AGPAT4: variants seen among roughly 807,000 people sequenced by gnomAD.
AGPAT4 encodes 1-acylglycerol-3-phosphate O-acyltransferase 4.
AGPAT4 carries 15 observed loss-of-function variants against 48.0 expected under a neutral mutation model. That is an observed-to-expected ratio of 0.31 (90% CI 0.21 to 0.48). The LOEUF is 0.48. Ranked by LOEUF, AGPAT4 falls within the 20% of genes least tolerant of loss-of-function variation. The probability of loss-of-function intolerance (pLI) is 0.99; values close to 1 mark genes in which losing one functional copy is unlikely to be tolerated. For synonymous variants in AGPAT4, 178 were observed against 198.7 expected, an observed-to-expected ratio of 0.90 and a Z score of 0.88; for missense variants, 314 against 482.5, an observed-to-expected ratio of 0.65 and a Z score of 3.27.
intron 2 of AGPAT4, among the ~76,000 whole-genome samples, chr6:161,172,819 G>A (rs1780309618): frequency 6.8e-6 from 1 of 146,472 alleles, no homozygotes; most frequent in Non-Finnish European, 1.5e-5. Flanking sequence ...ACAGGCCCCA[G>A]TGTGTGATGT....
chr6:161,191,008 G>C (rs2115001066), intron 2 of AGPAT4, among the ~76,000 whole-genome samples: 1 of 152,252 alleles, frequency 6.6e-6, no homozygotes, highest in East Asian at 1.9e-4. Flanking sequence ...TGCTAATCTT[G>C]GTTCAAATCT....
At chr6:161,230,298 G>A (rs998186140) in intron 2 of AGPAT4, among the ~76,000 whole-genome samples, 9 of 152,112 alleles carry the variant, frequency 5.9e-5, no homozygotes, top group Non-Finnish European at 1.2e-4. Flanking sequence ...TGAAATTTGG[G>A]TAGGGGTTAT....
Position 161,231,983 on chromosome 6 carries a change from C to G in AGPAT4, c.178+53G>C. ...TGAATCCATATCAAGAGCCATAATT[C>G]TGATACACACATCCACAATGGAGAC... On this transcript the variant is annotated intron_variant, in intron 2 of 8. Coordinates refer to ENST00000320285, the MANE Select transcript of AGPAT4 (RefSeq NM_020133.3). The surrounding 1 kb of genome is among the most constrained non-coding windows in gnomAD (Gnocchi z 5.3). 1 of 1,554,126 alleles carries G rather than the reference C, an allele frequency of 6.4e-7. No homozygotes were observed. The highest frequency in any genetic ancestry group is 2.3e-5 in the East Asian group (1 of 44,296).
At position 161,259,869 on chromosome 6, in the gene AGPAT4, G is replaced by A. The variant is rs1024991053; in HGVS notation, c.-90+14069C>T. 4.6e-5 allele frequency among the ~76,000 whole-genome samples: 7 copies of A among 152,144 alleles called. No homozygotes were observed. The highest frequency in any genetic ancestry group is 9.7e-5 in the African/African-American group (4 of 41,450). On this transcript the variant is annotated intron_variant, in intron 1 of 8. Transcript: ENST00000320285. The surrounding 1 kb of genome is among the most constrained non-coding windows in gnomAD (Gnocchi z 4.9). ...CTAGCTCCATGGTATCTATGTGCAC[G>A]CTGCACCCCCAGGGCCGAGTCGTAA...
Position 161,168,535 on chromosome 6 carries a change from G to A in AGPAT4, c.179-2118C>T, listed in dbSNP as rs540118451. The stretch of plus-strand genomic sequence containing the variant: ...CCCTACTATAGAGCACGGGCGCCAC[G>A]AGACAGCAACTGTACTGTTTGGTTC... On this transcript the variant is annotated intron_variant, in intron 2 of 8. Transcript: ENST00000320285. 6.6e-5 allele frequency among the ~76,000 whole-genome samples: 10 copies of A among 152,128 alleles called. No individual in the cohort carries two copies. The South Asian group carries it at 1.0e-3, about 16-fold the overall frequency.
At chr6:161,205,926 C>A (rs369667264) in intron 2 of AGPAT4, among the ~76,000 whole-genome samples, 3 of 152,038 alleles carry the variant, frequency 2.0e-5, no homozygotes, top group East Asian at 3.9e-4. Context: ...GCTAAAAACC[C>A]TGGACACTAC....
rs1008860695 is a variant in AGPAT4 at position 161,204,544 on chromosome 6, T to C, written c.178+27492A>G. On this transcript the variant is annotated intron_variant, in intron 2 of 8. Coordinates refer to ENST00000320285, the MANE Select transcript of AGPAT4 (RefSeq NM_020133.3). The surrounding 1 kb of genome is among the most constrained non-coding windows in gnomAD (Gnocchi z 4.4). Reference sequence around the variant, plus strand: ...TTTATCCTTCAGCTGAAGACAATTATCTAGAAACAGCACTGGATTCTTATT... The same window carrying C: ...TTTATCCTTCAGCTGAAGACAATTACCTAGAAACAGCACTGGATTCTTATT... Among the ~76,000 whole-genome samples the C allele has an allele frequency of 3.9e-5, 6 of 152,196 alleles. No individual in the cohort carries two copies. Among genetic ancestry groups the C allele is most frequent in the African/African-American group, 1.4e-4 (6 of 41,446 alleles).
intron 2 of AGPAT4, among the ~76,000 whole-genome samples, chr6:161,188,360 C>T (rs2114999125): frequency 6.6e-6 from 1 of 152,232 alleles, no homozygotes; most frequent in Non-Finnish European, 1.5e-5. Flanking sequence ...GTATAAATTG[C>T]ACATTTTTCT....
rs1779065230 is a variant in AGPAT4, at chr6:161,136,358, A to G, written c.*182T>C. 2 of 600,078 alleles carry G rather than the reference A, an allele frequency of 3.3e-6. No individual in the cohort carries two copies. Among genetic ancestry groups the G allele is most frequent in the South Asian group, 4.0e-5 (2 of 50,458 alleles). 37.2% of individuals were successfully genotyped at this position (600,078 alleles called of 1,614,324 possible). On this transcript the variant is annotated 3_prime_UTR_variant, in exon 9 of 9. Transcript: ENST00000320285. ...CCCACTAAAGCACATGGGGAAAAAA[A>G]GATTACAAAACATCTTCCTCCCCAT...
Position 161,242,489 on chromosome 6 carries a change from C to T in AGPAT4, c.-89-10187G>A, listed in dbSNP as rs1248824087. Among the ~76,000 whole-genome samples the T allele has an allele frequency of 6.6e-6, 1 of 152,152 alleles. No individual in the cohort carries two copies. The highest frequency in any genetic ancestry group is 1.5e-5 in the Non-Finnish European group (1 of 68,038). On this transcript the variant is annotated intron_variant, in intron 1 of 8. Transcript: ENST00000320285. The surrounding 1 kb of genome is among the most constrained non-coding windows in gnomAD (Gnocchi z 5.0). ...AGTAGAAGGCCACATCCTCCAAACC[C>T]CATCCAGCTCGCCCGCAGCCTCATG...
chr6:161,259,982 G>A lies in AGPAT4; in HGVS notation c.-90+13956C>T, dbSNP rs910879603. On this transcript the variant is annotated intron_variant, in intron 1 of 8. Coordinates refer to ENST00000320285, the MANE Select transcript of AGPAT4 (RefSeq NM_020133.3). The surrounding 1 kb of genome is among the most constrained non-coding windows in gnomAD (Gnocchi z 4.9). ...TGGAGGAAACTTCCATTCACCTGGC[G>A]CTATACGTGTTTGGGGCTGGGGAGT... Among the ~76,000 whole-genome samples the A allele has an allele frequency of 2.0e-5, 3 of 152,078 alleles. No homozygotes were observed. Among genetic ancestry groups the A allele is most frequent in the Non-Finnish European group, 2.9e-5 (2 of 68,010 alleles).
rs1018393278 is a variant in AGPAT4 at position 161,155,164 on chromosome 6, C to T, written c.349-854G>A. Among the ~76,000 whole-genome samples the T allele has an allele frequency of 3.3e-5, 5 of 152,204 alleles. No individual in the cohort carries two copies. Among genetic ancestry groups the T allele is most frequent in the Non-Finnish European group, 7.3e-5 (5 of 68,030 alleles). On this transcript the variant is annotated intron_variant, in intron 3 of 8. Coordinates refer to ENST00000320285, the MANE Select transcript of AGPAT4 (RefSeq NM_020133.3). The surrounding 1 kb of genome is among the most constrained non-coding windows in gnomAD (Gnocchi z 5.8). ...AGGGCAGTCCTGGGTCCCCAGGGCTCGGTGTGGCCCTCCCCAGCCAGGCGT... is the reference window on the plus strand; with the variant it reads ...AGGGCAGTCCTGGGTCCCCAGGGCTTGGTGTGGCCCTCCCCAGCCAGGCGT...
intron 1 of AGPAT4, among the ~76,000 whole-genome samples, chr6:161,269,105 A>C (rs926670054): frequency 6.6e-6 from 1 of 152,204 alleles, no homozygotes; most frequent in Admixed American, 6.5e-5. Context: ...CTTTTTTAAA[A>C]TGCTATACTT....
rs375011382 is a variant in AGPAT4 at position 161,228,661 on chromosome 6, T to TAAAAAAAAA, written c.178+3366_178+3374dup. ...TTTGAAACCCACAATGTCAGAGAGGTAAAAAAAAAAAAAAAAGCCAGTCTT... is the reference window on the plus strand; with the variant it reads ...TTTGAAACCCACAATGTCAGAGAGGTAAAAAAAAAAAAAAAAAAAAAAAAAGCCAGTCTT... On this transcript the variant is annotated intron_variant, in intron 2 of 8. Transcript: ENST00000320285. 2.0e-4 allele frequency among the ~76,000 whole-genome samples: 17 copies of TAAAAAAAAA among 84,078 alleles called. 1 individual carries two copies. The highest frequency in any genetic ancestry group is 4.5e-4 in the African/African-American group (8 of 17,862). The allele number at this position is 84,078 out of a possible 152,430, so 55.2% of individuals were successfully genotyped here.
At position 161,221,769 on chromosome 6, in the gene AGPAT4, G is replaced by C. The variant is rs555242016; in HGVS notation, c.178+10267C>G. 1.2e-4 allele frequency among the ~76,000 whole-genome samples: 18 copies of C among 152,292 alleles called. No homozygotes were observed. In the South Asian group the frequency reaches 3.7e-3, roughly 32 times the overall value. On this transcript the variant is annotated intron_variant, in intron 2 of 8. Coordinates refer to ENST00000320285, the MANE Select transcript of AGPAT4 (RefSeq NM_020133.3). The surrounding 1 kb of genome is among the most constrained non-coding windows in gnomAD (Gnocchi z 4.5). ...GCTCTCTCCCAGCGGCTGGGAGCCA[G>C]GTGTTCCTTGGCTTGCAGGGGATAT...
rs942613367 is a variant in AGPAT4, at chr6:161,266,731, G to C, written c.-90+7207C>G. ...ACTCCTGGGACGCAGGACACAGTCT[G>C]AGATGATTGCATTGATTGTCTGCTG... On this transcript the variant is annotated intron_variant, in intron 1 of 8. Coordinates refer to ENST00000320285, the MANE Select transcript of AGPAT4 (RefSeq NM_020133.3). This position sits in a 1 kb window ranked among gnomAD's most constrained non-coding sequence, Gnocchi z 6.2. Among the ~76,000 whole-genome samples, 3 of 152,248 alleles carry C rather than the reference G, an allele frequency of 2.0e-5. No individual in the cohort carries two copies. The highest frequency in any genetic ancestry group is 4.4e-5 in the Non-Finnish European group (3 of 68,046).
chr6:161,265,699 T>G (rs1043203788), intron 1 of AGPAT4, among the ~76,000 whole-genome samples: 5 of 151,874 alleles, frequency 3.3e-5, no homozygotes, highest in African/African-American at 1.2e-4. Context: ...AGCTGGTGGG[T>G]GGGGAGGGGA....
Position 161,232,266 on chromosome 6 carries a change from T to C in AGPAT4, c.-53A>G. ...AAATAACTACCCACAGTCAAAGATT[T>C]CCAGAAGGAAGAAAGATCCAGGACT... On this transcript the variant is annotated 5_prime_UTR_variant, in exon 2 of 9. Transcript: ENST00000320285. This position sits in a 1 kb window ranked among gnomAD's most constrained non-coding sequence, Gnocchi z 6.8. 6.5e-7 allele frequency: 1 copy of C among 1,544,020 alleles called. No individual in the cohort carries two copies. Among genetic ancestry groups the C allele is most frequent in the South Asian group, 1.2e-5 (1 of 81,768 alleles).
rs1361696256 is a variant in AGPAT4 at position 161,222,012 on chromosome 6, C to T, written c.178+10024G>A. 6.6e-6 allele frequency among the ~76,000 whole-genome samples: 1 copy of T among 152,220 alleles called. No individual in the cohort carries two copies. Among genetic ancestry groups the T allele is most frequent in the Non-Finnish European group, 1.5e-5 (1 of 68,042 alleles). On this transcript the variant is annotated intron_variant, in intron 2 of 8. Transcript: ENST00000320285. This position sits in a 1 kb window ranked among gnomAD's most constrained non-coding sequence, Gnocchi z 5.9. ...TTCAGGTGTGACACCAAGCGTCCAG[C>T]TCTTTCCTCTCAGTTCCTTTCCACG...
Sources: gnomAD v4.1 joint callset for allele counts (sites outside exome capture counted in the v4.1 genomes callset) on GRCh38, gnomAD v4.1.1 for gene constraint, Gnocchi (gnomAD v3.1) non-coding constraint, MANE v1.5 for transcripts, NCBI Gene and HGNC (gene_info 2026-07-23, HGNC 2026-07-21) for gene names.